The following RARB variants were observed in gnomAD, a reference collection of about 807,000 sequenced individuals.
The protein encoded by RARB is retinoic acid receptor beta, also known as HBV-activated protein.
Under a neutral mutation model 51.9 loss-of-function variants are expected in RARB, and 17 were observed. The ratio of observed to expected loss-of-function variants is 0.33; its 90% CI spans 0.22 to 0.49. The LOEUF (loss-of-function observed/expected upper bound fraction) is 0.49. Among genes scored for constraint, RARB ranks in the 20% least tolerant of loss-of-function variants. RARB has a pLI of 0.99. For synonymous variants in RARB, 215 were observed against 195.4 expected (o/e 1.10, Z -0.84); for missense variants, 369 against 550.8 (o/e 0.67, Z 3.30).
intron 4 of RARB, chr3:25,174,096 A>AT (rs1460252199): frequency 1.6e-5 from 3 of 181,934 alleles, no homozygotes; most frequent in East Asian, 1.2e-4. Flanking sequence ...TGATATATAT[A>AT]TTTTTTTCAT....
intron 5 of RARB, among the ~76,000 whole-genome samples, chr3:25,590,526 G>T (rs1299453067): frequency 6.6e-6 from 1 of 152,112 alleles, no homozygotes; most frequent in Non-Finnish European, 1.5e-5. Context: ...TTGTTGTTGT[G>T]GTGGTGGTTG....
At chr3:25,162,262 C>T (rs1700485672) in intron 4 of RARB, among the ~76,000 whole-genome samples, 1 of 152,018 alleles carries the variant, frequency 6.6e-6, no homozygotes, top group African/African-American at 2.4e-5. Flanking sequence ...CACCACCATG[C>T]CTGGCTAAAT....
At chr3:24,935,427 T>A (rs1190687605) in intron 2 of RARB, among the ~76,000 whole-genome samples, 2 of 152,096 alleles carry the variant, frequency 1.3e-5, no homozygotes, top group East Asian at 3.9e-4. Flanking sequence ...GAAAAATCTA[T>A]CCTATTTCAG....
chr3:25,486,748 T>G (rs1043658002), intron 2 of RARB, among the ~76,000 whole-genome samples: 1 of 152,220 alleles, frequency 6.6e-6, no homozygotes, highest in Admixed American at 6.5e-5. Flanking sequence ...CATTCTGATA[T>G]ATCCAGCACA....
chr3:25,479,155 C>CTT (rs201692330), intron 2 of RARB, among the ~76,000 whole-genome samples: 15 of 147,010 alleles, frequency 1.0e-4, no homozygotes, highest in East Asian at 6.1e-4. Flanking sequence ...TGTCTGTCTT[C>CTT]TTTTTTTTTT....
At chr3:25,091,019 G>A (rs556363181) in intron 3 of RARB, among the ~76,000 whole-genome samples, 69 of 152,270 alleles carry the variant, frequency 4.5e-4, no homozygotes, top group African/African-American at 1.5e-3. Context: ...ACAGCTTTGC[G>A]TGCAATTATT....
intron 4 of RARB, among the ~76,000 whole-genome samples, chr3:25,161,636 A>T (rs1178554861): frequency 6.6e-6 from 1 of 152,190 alleles, no homozygotes; most frequent in Non-Finnish European, 1.5e-5. Flanking sequence ...AACACTCATC[A>T]TTCTCTTCCA....
intron 4 of RARB, among the ~76,000 whole-genome samples, chr3:25,578,229 T>C (rs1701021354): frequency 6.6e-6 from 1 of 152,274 alleles, no homozygotes; most frequent in Non-Finnish European, 1.5e-5. Flanking sequence ...ATAAGCCATT[T>C]GAAGCCTCAT....
intron 3 of RARB, among the ~76,000 whole-genome samples, chr3:25,107,153 G>C (rs1239174815): frequency 1.3e-5 from 2 of 151,782 alleles, no homozygotes; most frequent in South Asian, 2.1e-4. Flanking sequence ...TACCTGCCTC[G>C]GCCTCCCAAA....
At chr3:25,460,392 C>T (rs1695116671) in intron 1 of RARB, among the ~76,000 whole-genome samples, 1 of 151,636 alleles carries the variant, frequency 6.6e-6, no homozygotes, top group Non-Finnish European at 1.5e-5. Context: ...ATAATTTGGG[C>T]ATTTTCTTCA....
At chr3:25,478,035 G>C (rs1696041918) in intron 2 of RARB, among the ~76,000 whole-genome samples, 1 of 152,130 alleles carries the variant, frequency 6.6e-6, no homozygotes, top group South Asian at 2.1e-4. Flanking sequence ...ATGTGGCTTG[G>C]GCCTCCTTAC....
At position 25,384,828 on chromosome 3, in the gene RARB, AT is replaced by A. The variant is rs553323032; in HGVS notation, c.179-76363del. On this transcript the variant is annotated intron_variant, in intron 5 of 11. Coordinates refer to the RARB transcript ENST00000383772. ...CAAGGGTAGAAAACCAGCTAGCCAA[AT>A]TCTGTTCGTTCAGAAAGCTTAAAAG... is the stretch of plus-strand genomic sequence containing the variant. Among the ~76,000 whole-genome samples the A allele has an allele frequency of 2.0e-3, 298 of 152,368 alleles. 1 individual carries two copies. The highest frequency in any genetic ancestry group is 7.0e-3 in the African/African-American group (290 of 41,584).
At chr3:25,090,601 C>T (rs112439656) in intron 3 of RARB, among the ~76,000 whole-genome samples, 231 of 152,122 alleles carry the variant, frequency 1.5e-3, no homozygotes, top group Middle Eastern at 3.4e-3. Context: ...CCTTGGGGAA[C>T]GAAATTTTTC....
chr3:25,174,046 G>A (rs1206920141), intron 4 of RARB: 2 of 170,880 alleles, frequency 1.2e-5, no homozygotes, highest in South Asian at 1.4e-4. Context: ...TATTAGAGAC[G>A]TTTTGTATAG....
chr3:25,276,020 C>A (rs1703372859), intron 5 of RARB, among the ~76,000 whole-genome samples: 1 of 152,178 alleles, frequency 6.6e-6, no homozygotes, highest in South Asian at 2.1e-4. Context: ...GCTAGGATAT[C>A]CCTAGGTCAC....
intron 1 of RARB, among the ~76,000 whole-genome samples, chr3:25,441,860 C>T (rs1044528840): frequency 6.6e-6 from 1 of 151,958 alleles, no homozygotes; most frequent in Non-Finnish European, 1.5e-5. Context: ...CTCTGTTTTC[C>T]CAGTGCTAAT....
chr3:25,267,239 CTTTA>C (rs751585671), intron 5 of RARB, among the ~76,000 whole-genome samples: 1 of 152,132 alleles, frequency 6.6e-6, no homozygotes, highest in African/African-American at 2.4e-5. Context: ...TTTAACCAGA[CTTTA>C]TTTAGAGAGT....
At chr3:24,840,742 T>TAAAA (rs55771334) in intron 1 of RARB, among the ~76,000 whole-genome samples, 1 of 70,340 alleles carries the variant, frequency 1.4e-5, no homozygotes. Context: ...TGAGTAAGAG[T>TAAAA]AAAAAAAAAA....
chr3:24,964,836 G>C (rs1250169906), intron 2 of RARB, among the ~76,000 whole-genome samples: 1 of 152,162 alleles, frequency 6.6e-6, no homozygotes, highest in Non-Finnish European at 1.5e-5. Flanking sequence ...TCCCTCAAGG[G>C]AGTTATCTAA....
Sources: allele counts gnomAD v4.1 joint callset (sites outside exome capture counted in the v4.1 genomes callset), GRCh38; gene constraint gnomAD v4.1.1; transcripts MANE v1.5; gene names NCBI Gene and HGNC (gene_info 2026-07-23, HGNC 2026-07-21).